The following HDAC4 variants were observed in gnomAD, a reference collection of about 807,000 sequenced individuals.
HDAC4 encodes the protein histone deacetylase A.
A neutral mutation model predicts 135.1 loss-of-function variants in HDAC4; 16 were observed. The ratio of observed to expected loss-of-function variants is 0.12; its 90% CI spans 0.08 to 0.18. HDAC4 has a LOEUF of 0.18. Among genes scored for constraint, HDAC4 ranks in the 10% least tolerant of loss-of-function variants. The probability of loss-of-function intolerance (pLI) is 1.00; values close to 1 mark genes in which losing one functional copy is unlikely to be tolerated. For missense variants in HDAC4, 1,143 were observed against 1,511.8 expected, an observed-to-expected ratio of 0.76 and a Z score of 4.05; for synonymous variants, 685 against 653.4, an observed-to-expected ratio of 1.05 and a Z score of -0.74.
At chr2:239,368,386 A>G (rs1694369981) in intron 1 of HDAC4, among the ~76,000 whole-genome samples, 1 of 152,228 alleles carries the variant, frequency 6.6e-6, no homozygotes, top group African/African-American at 2.4e-5. Flanking sequence ...TCCAAAGCAC[A>G]GTACCATCTT....
At chr2:239,378,648 G>A (rs567590742) in intron 1 of HDAC4, among the ~76,000 whole-genome samples, 254 of 151,982 alleles carry the variant, frequency 1.7e-3, no homozygotes, top group African/African-American at 5.7e-3. Context: ...AGAACCCCGG[G>A]AACCAATGAC....
At chr2:239,284,425 C>T (rs1258628301) in intron 2 of HDAC4, among the ~76,000 whole-genome samples, 1 of 152,178 alleles carries the variant, frequency 6.6e-6, no homozygotes. Flanking sequence ...GGACCCTCCG[C>T]GGGGCCTCGG....
intron 3 of HDAC4, among the ~76,000 whole-genome samples, chr2:239,230,482 G>A (rs1436317078): frequency 6.6e-6 from 1 of 151,744 alleles, no homozygotes; most frequent in Non-Finnish European, 1.5e-5. Context: ...GGGCCGGAGG[G>A]CATTGATTCC....
At chr2:239,376,323 C>T (rs990865136) in intron 1 of HDAC4, among the ~76,000 whole-genome samples, 3 of 151,022 alleles carry the variant, frequency 2.0e-5, no homozygotes, top group African/African-American at 4.8e-5. Flanking sequence ...TCACAACCCT[C>T]CACCATCCAA....
At chr2:239,396,030 G>A (rs1468192567) in intron 1 of HDAC4, among the ~76,000 whole-genome samples, 2 of 152,104 alleles carry the variant, frequency 1.3e-5, no homozygotes, top group African/African-American at 4.8e-5. Flanking sequence ...AGGCTGAAGT[G>A]CAGTGGCAAA....
At position 239,307,277 on chromosome 2, in the gene HDAC4, G is replaced by A. The variant is rs2052647795; in HGVS notation, c.22+45401C>T. On this transcript the variant is annotated intron_variant, in intron 2 of 26. Transcript: ENST00000543185. This position sits in a 1 kb window ranked among gnomAD's most constrained non-coding sequence, Gnocchi z 4.8. The stretch of plus-strand genomic sequence containing the variant: ...TGGGGGCTGTGCTCAGGACCCTCAG[G>A]GGACCATGGGCTACTTTCAGAAACA... 6.6e-6 allele frequency among the ~76,000 whole-genome samples: 1 copy of A among 152,114 alleles called. No homozygotes were observed. The highest frequency in any genetic ancestry group is 1.5e-5 in the Non-Finnish European group (1 of 68,008).
rs1028366972 is a variant in HDAC4 at position 239,349,201 on chromosome 2, G to T, written c.22+3477C>A. 6.6e-6 allele frequency among the ~76,000 whole-genome samples: 1 copy of T among 152,156 alleles called. No individual in the cohort carries two copies. The highest frequency in any genetic ancestry group is 1.5e-5 in the Non-Finnish European group (1 of 68,024). ...CAAGAGTGAGCCGGGTGGGCAGGGC[G>T]AAGGACAGGGCCAGCTAGCAGAGGA... On this transcript the variant is annotated intron_variant, in intron 2 of 26. Coordinates refer to ENST00000543185, the MANE Select transcript of HDAC4 (RefSeq NM_001378414.1). This position sits in a 1 kb window ranked among gnomAD's most constrained non-coding sequence, Gnocchi z 5.7.
chr2:239,080,849 C>A, intron 22 of HDAC4: 1 of 565,414 alleles, frequency 1.8e-6, no homozygotes, highest in South Asian at 2.2e-5. Flanking sequence ...CACCATCGAC[C>A]CAAAGTGAGC....
intron 4 of HDAC4, chr2:239,187,195 G>A (rs781693939): frequency 3.9e-5 from 6 of 152,658 alleles, no homozygotes; most frequent in Non-Finnish European, 7.3e-5. Context: ...GTGAGTGAGT[G>A]GTCCTCATGT....
rs1454490873 is a variant in HDAC4 at position 239,124,865 on chromosome 2, G to A, written c.1533+1591C>T. ...GCCGCGTTATATGACATTCTGGTGT[G>A]CTGGCGTGTGGCCGCGTTATATGAC... On this transcript the variant is annotated intron_variant, in intron 12 of 26. Coordinates refer to ENST00000543185, the MANE Select transcript of HDAC4 (RefSeq NM_001378414.1). 1.3e-4 allele frequency among the ~76,000 whole-genome samples: 12 copies of A among 91,156 alleles called. No homozygotes were observed. In the East Asian group the frequency reaches 2.6e-3, roughly 20 times the overall value. 59.8% of individuals were successfully genotyped at this position (91,156 alleles called of 152,430 possible).
At chr2:239,136,429 T>C (rs907082678) in intron 9 of HDAC4, among the ~76,000 whole-genome samples, 3 of 152,206 alleles carry the variant, frequency 2.0e-5, no homozygotes, top group African/African-American at 7.2e-5. Context: ...ATTTTCTCTG[T>C]CTATTCATCC....
At chr2:239,057,440 AG>A (rs2032028250) in intron 24 of HDAC4, among the ~76,000 whole-genome samples, 1 of 152,232 alleles carries the variant, frequency 6.6e-6, no homozygotes, top group Admixed American at 6.5e-5. Flanking sequence ...AAAAAAACCC[AG>A]GAATGCACAC....
At chr2:239,255,800 A>G (rs915751940) in intron 2 of HDAC4, among the ~76,000 whole-genome samples, 4 of 152,218 alleles carry the variant, frequency 2.6e-5, no homozygotes, top group African/African-American at 9.6e-5. Flanking sequence ...GACAGCAATC[A>G]CTGCCAGGCA....
intron 1 of HDAC4, among the ~76,000 whole-genome samples, chr2:239,361,240 G>A (rs62182151): frequency 0.13 from 20,388 of 152,234 alleles, 1,825 homozygotes; most frequent in Non-Finnish European, 0.21. Context: ...CTGAATGAAC[G>A]TTTTTAAGGT....
intron 2 of HDAC4, among the ~76,000 whole-genome samples, chr2:239,276,702 CCGCTGTCTGCTGCCTGGACACTGCT>C (rs1339474747): frequency 6.6e-6 from 1 of 152,048 alleles, no homozygotes; most frequent in East Asian, 1.9e-4. Flanking sequence ...TGGACACTAC[CCGCTGTCTGCTGCCTGGACACTGCT>C]CGCTGCCCAG....
At chr2:239,142,587 G>A (rs1456472889) in intron 8 of HDAC4, among the ~76,000 whole-genome samples, 1 of 152,246 alleles carries the variant, frequency 6.6e-6, no homozygotes, top group Non-Finnish European at 1.5e-5. Flanking sequence ...CTCCCTTTAT[G>A]CCACAGCTCA....
intron 24 of HDAC4, chr2:239,055,126 T>C (rs1229279170): frequency 5.3e-6 from 2 of 380,490 alleles, no homozygotes; most frequent in Non-Finnish European, 1.0e-5. Context: ...GAACTTGGTA[T>C]CTGCCATCGA....
chr2:239,382,921 G>A (rs1407396888), intron 1 of HDAC4, among the ~76,000 whole-genome samples: 1 of 151,928 alleles, frequency 6.6e-6, no homozygotes, highest in African/African-American at 2.4e-5. Flanking sequence ...GTAGAGATGG[G>A]GTTTCACCAT....
intron 12 of HDAC4, among the ~76,000 whole-genome samples, chr2:239,124,736 TGC>T (rs2040016388): frequency 5.9e-5 from 1 of 16,922 alleles, no homozygotes; most frequent in Non-Finnish European, 1.1e-4. Flanking sequence ...GGCGTGTGGC[TGC>T]GTTATATGAC....
Sources: allele counts gnomAD v4.1 joint callset (sites outside exome capture counted in the v4.1 genomes callset), GRCh38; gene constraint gnomAD v4.1.1; non-coding constraint Gnocchi (gnomAD v3.1); transcripts MANE v1.5; gene names NCBI Gene and HGNC (gene_info 2026-07-23, HGNC 2026-07-21).